The following GNG7 variants were observed in gnomAD, a reference collection of about 807,000 sequenced individuals.
GNG7 encodes guanine nucleotide-binding protein G(I)/G(S)/G(O) subunit gamma-7.
Under a neutral mutation model 4.0 loss-of-function variants are expected in GNG7, and 1 was observed. That is an observed-to-expected ratio of 0.25 (90% confidence interval 0.09 to 1.18). GNG7 has a LOEUF of 1.18. Ranked by LOEUF, GNG7 falls within the 50% of genes most tolerant of loss-of-function variation. The pLI is 0.50. For missense variants in GNG7, 86 were observed against 91.9 expected, an observed-to-expected ratio of 0.94 and a Z score of 0.26; for synonymous variants, 34 against 36.9, an observed-to-expected ratio of 0.92 and a Z score of 0.29.
rs533156546 is a variant in GNG7, at chr19:2,618,863, G to A, written c.-78+27361C>T. 2.6e-5 allele frequency among the ~76,000 whole-genome samples: 4 copies of A among 151,984 alleles called. No homozygotes were observed. The highest frequency in any genetic ancestry group is 2.1e-4 in the South Asian group (1 of 4,814). On this transcript the variant is annotated intron_variant, in intron 2 of 4. Transcript: ENST00000382159. The surrounding 1 kb of genome is among the most constrained non-coding windows in gnomAD (Gnocchi z 5.1). ...CAGCTTCCCTCAGTTTTCCCCTCAC[G>A]ACCTTTCCTGCCCCATTGTGACCCC...
intron 1 of GNG7, among the ~76,000 whole-genome samples, chr19:2,656,170 A>G (rs2144872273): frequency 6.6e-6 from 1 of 152,330 alleles, no homozygotes; most frequent in South Asian, 2.1e-4. Context: ...TCAAAAAATT[A>G]AAGATAGAAC....
intron 2 of GNG7, among the ~76,000 whole-genome samples, chr19:2,628,108 A>C (rs1982065299): frequency 6.6e-6 from 1 of 152,260 alleles, no homozygotes; most frequent in Non-Finnish European, 1.5e-5. Context: ...ATGGCAAACA[A>C]CACGGCAAGT....
intron 1 of GNG7, among the ~76,000 whole-genome samples, chr19:2,651,818 G>A (rs1045657891): frequency 1.3e-5 from 2 of 151,702 alleles, no homozygotes; most frequent in East Asian, 2.0e-4. Flanking sequence ...CACCTGCTTC[G>A]GCCTCCCAAA....
intron 2 of GNG7, among the ~76,000 whole-genome samples, chr19:2,644,777 C>T (rs184961024): frequency 1.3e-5 from 2 of 152,268 alleles, no homozygotes; most frequent in African/African-American, 2.4e-5. Context: ...CAAGGTACAT[C>T]CACACTGTGG....
intron 1 of GNG7, among the ~76,000 whole-genome samples, chr19:2,650,000 T>C (rs180683186): frequency 2.6e-5 from 4 of 152,152 alleles, no homozygotes; most frequent in Non-Finnish European, 4.4e-5. Flanking sequence ...TGTGACGTCC[T>C]CAAGGTGCAT....
At chr19:2,528,753 G>C (rs1225887480) in intron 3 of GNG7, among the ~76,000 whole-genome samples, 1 of 152,118 alleles carries the variant, frequency 6.6e-6, no homozygotes, top group Non-Finnish European at 1.5e-5. Flanking sequence ...TTCCCTCTCT[G>C]AGCCCCAGTG....
Position 2,662,077 on chromosome 19 carries a change from C to T in GNG7, c.-134-15797G>A, listed in dbSNP as rs147602955. On this transcript the variant is annotated intron_variant, in intron 1 of 4. Transcript: ENST00000382159. ...GAGTTTGAGACCAGCGTGACCAACA[C>T]GGTGAAACCCTGTCTCTACCAAAAA... Among the ~76,000 whole-genome samples the T allele has an allele frequency of 4.9e-3, 748 of 152,122 alleles. 5 individuals carry two copies. The highest frequency in any genetic ancestry group is 0.017 in the African/African-American group (692 of 41,502).
chr19:2,574,103 T>C (rs939680604), intron 2 of GNG7, among the ~76,000 whole-genome samples: 1 of 152,154 alleles, frequency 6.6e-6, no homozygotes, highest in African/African-American at 2.4e-5. Flanking sequence ...CCTGGGCTGG[T>C]GCAGTCCAGG....
chr19:2,615,223 G>A (rs958487195), intron 2 of GNG7, among the ~76,000 whole-genome samples: 5 of 151,100 alleles, frequency 3.3e-5, no homozygotes, highest in Admixed American at 6.6e-5. Flanking sequence ...GTGCAGTGGC[G>A]CGATCTCGGC....
intron 2 of GNG7, among the ~76,000 whole-genome samples, chr19:2,596,783 T>A (rs1981035289): frequency 6.6e-6 from 1 of 151,804 alleles, no homozygotes; most frequent in African/African-American, 2.4e-5. Context: ...TTCTGGGGAG[T>A]GAGATTTGTG....
intron 3 of GNG7, among the ~76,000 whole-genome samples, chr19:2,545,954 C>T (rs1377202865): frequency 7.4e-6 from 1 of 134,634 alleles, no homozygotes; most frequent in Non-Finnish European, 1.7e-5. Flanking sequence ...GACTCTGCCT[C>T]AAAAACAAAA....
Position 2,614,040 on chromosome 19 carries a change from C to T in GNG7, c.-78+32184G>A, listed in dbSNP as rs1425445946. Among the ~76,000 whole-genome samples the T allele has an allele frequency of 6.6e-6, 1 of 152,234 alleles. No homozygotes were observed. The highest frequency in any genetic ancestry group is 1.5e-5 in the Non-Finnish European group (1 of 68,038). On this transcript the variant is annotated intron_variant, in intron 2 of 4. Transcript: ENST00000382159. This position sits in a 1 kb window ranked among gnomAD's most constrained non-coding sequence, Gnocchi z 6.0. ...AGAATCCACCCAGGGAACTCGGGCC[C>T]CGCGCCTACCCCCGGGGTAAAGGGG... is the stretch of plus-strand genomic sequence containing the variant.
chr19:2,590,410 T>C (rs183529986), intron 2 of GNG7, among the ~76,000 whole-genome samples: 1 of 151,808 alleles, frequency 6.6e-6, no homozygotes. Flanking sequence ...AGCTGTCGTC[T>C]ATATCTATGT....
intron 3 of GNG7, among the ~76,000 whole-genome samples, chr19:2,533,431 T>C (rs1646734498): frequency 6.6e-6 from 1 of 152,094 alleles, no homozygotes; most frequent in Non-Finnish European, 1.5e-5. Flanking sequence ...GAAAGGGCCA[T>C]GAAATAACTT....
chr19:2,629,077 C>A (rs1329588704), intron 2 of GNG7, among the ~76,000 whole-genome samples: 1 of 152,190 alleles, frequency 6.6e-6, no homozygotes, highest in Non-Finnish European at 1.5e-5. Flanking sequence ...TAGTAGGAAA[C>A]ACACACAAAG....
At chr19:2,578,546 G>A (rs1165194839) in intron 2 of GNG7, among the ~76,000 whole-genome samples, 1 of 152,226 alleles carries the variant, frequency 6.6e-6, no homozygotes, top group Non-Finnish European at 1.5e-5. Context: ...CCGCCCAGGG[G>A]CTGGGCTCAA....
At chr19:2,565,420 G>A (rs1307989721) in intron 2 of GNG7, among the ~76,000 whole-genome samples, 1 of 151,806 alleles carries the variant, frequency 6.6e-6, no homozygotes, top group African/African-American at 2.4e-5. Context: ...ACTGAGGCAA[G>A]AGAATCACTT....
chr19:2,521,578 C>CACAGCAG (rs1213834483), intron 3 of GNG7, among the ~76,000 whole-genome samples: 3 of 150,416 alleles, frequency 2.0e-5, no homozygotes, highest in Non-Finnish European at 4.4e-5. Context: ...GGGCAGGGAT[C>CACAGCAG]ACAGCAGAAC....
chr19:2,633,481 GCGCGCGCACACA>G lies in GNG7; in HGVS notation c.-78+12731_-78+12742del, dbSNP rs968250388. ...GTTGCTTAGCAACAGGCGCGCGCGC[GCGCGCGCACACA>G]CACACACACACACACACACACACAC... is the stretch of plus-strand genomic sequence containing the variant. On this transcript the variant is annotated intron_variant, in intron 2 of 4. Coordinates refer to ENST00000382159, the MANE Select transcript of GNG7 (RefSeq NM_052847.3). This position sits in a 1 kb window ranked among gnomAD's most constrained non-coding sequence, Gnocchi z 5.9. Among the ~76,000 whole-genome samples the G allele has an allele frequency of 2.1e-4, 17 of 80,448 alleles. No homozygotes were observed. The highest frequency in any genetic ancestry group is 6.7e-4 in the African/African-American group (17 of 25,372). 52.8% of individuals were successfully genotyped at this position (80,448 alleles called of 152,430 possible). A position where few individuals can be genotyped will look rare whatever the true frequency, so the allele number is the denominator to read the frequency against.
Sources: gnomAD v4.1 joint callset for allele counts (sites outside exome capture counted in the v4.1 genomes callset) on GRCh38, gnomAD v4.1.1 for gene constraint, Gnocchi (gnomAD v3.1) non-coding constraint, MANE v1.5 for transcripts, NCBI Gene and HGNC (gene_info 2026-07-23, HGNC 2026-07-21) for gene names.